Variants in PLCB1 observed in about 807,000 individuals in gnomAD.
PLCB1 encodes 1-phosphatidylinositol 4,5-bisphosphate phosphodiesterase beta-1.
PLCB1 carries 46 observed loss-of-function variants against 161.8 expected under a neutral mutation model. That is an observed-to-expected ratio of 0.28 (90% CI 0.22 to 0.36). The LOEUF (loss-of-function observed/expected upper bound fraction) is 0.36. Among genes scored for constraint, PLCB1 ranks in the 10% least tolerant of loss-of-function variants. The pLI is 1.00. For missense variants in PLCB1, 1,016 were observed against 1,472.5 expected (o/e 0.69, Z 5.07); for synonymous variants, 517 against 503.7 (o/e 1.03, Z -0.35).
At chr20:8,280,868 A>G (rs1982844114) in intron 2 of PLCB1, among the ~76,000 whole-genome samples, 1 of 152,202 alleles carries the variant, frequency 6.6e-6, no homozygotes, top group South Asian at 2.1e-4. Flanking sequence ...CAGCAAGCCA[A>G]ATTAACTTCC....
At chr20:8,135,310 A>T (rs13041373) in intron 1 of PLCB1, among the ~76,000 whole-genome samples, 11,046 of 152,174 alleles carry the variant, frequency 0.073, 527 homozygotes, top group South Asian at 0.24. Flanking sequence ...TTAGGATGTG[A>T]AGAAATTATC....
At chr20:8,436,002 T>C (rs561768767) in intron 3 of PLCB1, among the ~76,000 whole-genome samples, 1 of 152,190 alleles carries the variant, frequency 6.6e-6, no homozygotes, top group South Asian at 2.1e-4. Context: ...ACAAGGAAAA[T>C]AACAGTGTGT....
At chr20:8,834,284 G>A (rs1412388973) in intron 31 of PLCB1, among the ~76,000 whole-genome samples, 1 of 152,130 alleles carries the variant, frequency 6.6e-6, no homozygotes, top group Non-Finnish European at 1.5e-5. Flanking sequence ...AAGAGGGATA[G>A]GGAATAGTTT....
intron 2 of PLCB1, among the ~76,000 whole-genome samples, chr20:8,279,927 G>A (rs1220654775): frequency 3.3e-5 from 5 of 152,130 alleles, no homozygotes; most frequent in Admixed American, 2.0e-4. Flanking sequence ...CAGATGAGGC[G>A]TCTTTGGGGT....
intron 2 of PLCB1, among the ~76,000 whole-genome samples, chr20:8,276,977 C>CTTATTATTATTA (rs1384044322): frequency 4.7e-4 from 45 of 96,010 alleles, no homozygotes; most frequent in East Asian, 1.9e-3. Context: ...TCTTCTTCTT[C>CTTATTATTATTA]TTCTTCTTCT....
chr20:8,795,357 A>G (rs1453866144), intron 31 of PLCB1, among the ~76,000 whole-genome samples: 1 of 152,324 alleles, frequency 6.6e-6, no homozygotes, highest in Non-Finnish European at 1.5e-5. Flanking sequence ...TTGACACAAA[A>G]TGATGTTGTA....
chr20:8,138,652 A>G (rs2051372010), intron 1 of PLCB1, among the ~76,000 whole-genome samples: 1 of 152,214 alleles, frequency 6.6e-6, no homozygotes, highest in African/African-American at 2.4e-5. Context: ...CAAAGGAAAT[A>G]TAGACATATT....
chr20:8,181,671 A>T (rs1460217705), intron 2 of PLCB1, among the ~76,000 whole-genome samples: 2 of 152,154 alleles, frequency 1.3e-5, no homozygotes, highest in Admixed American at 1.3e-4. Context: ...AATGCCTACC[A>T]TAGCTATTAA....
chr20:8,643,667 A>G (rs1172246499), intron 4 of PLCB1, among the ~76,000 whole-genome samples: 6 of 152,120 alleles, frequency 3.9e-5, no homozygotes, highest in African/African-American at 1.4e-4. Flanking sequence ...AGGCGGGTGG[A>G]TCACGAGGTC....
chr20:8,651,717 C>A, intron 7 of PLCB1: 1 of 471,374 alleles, frequency 2.1e-6, no homozygotes, highest in Non-Finnish European at 3.8e-6. Context: ...AGCATGCCAA[C>A]AAATGCGTCT....
intron 2 of PLCB1, among the ~76,000 whole-genome samples, chr20:8,188,562 CA>C (rs1951630743): frequency 6.6e-6 from 1 of 152,140 alleles, no homozygotes; most frequent in African/African-American, 2.4e-5. Flanking sequence ...GATTGCTAGA[CA>C]GAAGTATGTT....
intron 3 of PLCB1, among the ~76,000 whole-genome samples, chr20:8,600,172 C>T (rs10460663): frequency 4.2e-4 from 54 of 127,406 alleles, no homozygotes; most frequent in African/African-American, 9.5e-4. Context: ...GGAGGAGAGG[C>T]GCTCTGCGTT....
intron 31 of PLCB1, among the ~76,000 whole-genome samples, chr20:8,848,468 C>A (rs1439266674): frequency 6.6e-6 from 1 of 151,566 alleles, no homozygotes; most frequent in Admixed American, 6.6e-5. Context: ...TACTTATTAA[C>A]ATAAATTCAG....
At chr20:8,178,147 G>A (rs2051802107) in intron 2 of PLCB1, among the ~76,000 whole-genome samples, 1 of 152,150 alleles carries the variant, frequency 6.6e-6, no homozygotes, top group Non-Finnish European at 1.5e-5. Flanking sequence ...GAATAGTGCT[G>A]CAATGAACAT....
intron 2 of PLCB1, among the ~76,000 whole-genome samples, chr20:8,253,392 T>A (rs984487300): frequency 6.6e-6 from 1 of 151,974 alleles, no homozygotes; most frequent in Admixed American, 6.6e-5. Context: ...ATCTCTGGAC[T>A]CTCTTCTGAT....
chr20:8,502,073 T>G (rs533807362), intron 3 of PLCB1, among the ~76,000 whole-genome samples: 3 of 151,842 alleles, frequency 2.0e-5, no homozygotes, highest in East Asian at 3.9e-4. Context: ...TTAAATGTAA[T>G]TAACGTATCT....
At chr20:8,803,358 G>T (rs892941725) in intron 31 of PLCB1, among the ~76,000 whole-genome samples, 1 of 151,934 alleles carries the variant, frequency 6.6e-6, no homozygotes, top group African/African-American at 2.4e-5. Context: ...GCACCTGGAA[G>T]AAGCTTGAAG....
chr20:8,323,343 A>G (rs999954844), intron 2 of PLCB1, among the ~76,000 whole-genome samples: 2 of 152,136 alleles, frequency 1.3e-5, no homozygotes, highest in African/African-American at 4.8e-5. Context: ...GTTATTATCT[A>G]TTGTGGTTCT....
At chr20:8,660,945 G>A (rs1293422920) in intron 9 of PLCB1, among the ~76,000 whole-genome samples, 12 of 152,020 alleles carry the variant, frequency 7.9e-5, no homozygotes, top group Non-Finnish European at 1.8e-4. Context: ...ACTTCTCTAT[G>A]CCTTAATTAT....
Sources: allele counts gnomAD v4.1 joint callset (sites outside exome capture counted in the v4.1 genomes callset), GRCh38; gene constraint gnomAD v4.1.1; transcripts MANE v1.5; gene names NCBI Gene and HGNC (gene_info 2026-07-23, HGNC 2026-07-21).